RASAL2: variants seen among roughly 807,000 people sequenced by gnomAD.
The protein encoded by RASAL2 is RAS protein activator like 2, also known as ras GTPase-activating protein nGAP.
A neutral mutation model predicts 128.9 loss-of-function variants in RASAL2; 58 were observed. The ratio of observed to expected loss-of-function variants is 0.45; its 90% CI spans 0.36 to 0.56. The LOEUF (loss-of-function observed/expected upper bound fraction) is 0.56, where lower values mean the gene tolerates loss of function less well. RASAL2 is among the 20% of genes least tolerant of loss of function. RASAL2 has a pLI of 0.00. For missense variants in RASAL2, 1,360 were observed against 1,601.6 expected (o/e 0.85, Z 2.57); for synonymous variants, 561 against 580.8 (o/e 0.97, Z 0.49).
intron 3 of RASAL2, among the ~76,000 whole-genome samples, chr1:178,388,354 T>C (rs1672704555): frequency 6.6e-6 from 1 of 152,226 alleles, no homozygotes; most frequent in African/African-American, 2.4e-5. Flanking sequence ...TTCCCATGAA[T>C]CTGAGCTAAT....
intron 1 of RASAL2, among the ~76,000 whole-genome samples, chr1:178,200,373 G>A (rs1662820213): frequency 6.6e-6 from 1 of 152,176 alleles, no homozygotes; most frequent in African/African-American, 2.4e-5. Context: ...TGACATTCCT[G>A]ATGCGCTGCT....
At chr1:178,281,397 G>A (rs1202277568) in intron 1 of RASAL2, among the ~76,000 whole-genome samples, 1 of 151,976 alleles carries the variant, frequency 6.6e-6, no homozygotes, top group Non-Finnish European at 1.5e-5. Flanking sequence ...GGATTAGGTT[G>A]GACAAAGGGA....
At chr1:178,350,827 C>G (rs1312899063) in intron 3 of RASAL2, among the ~76,000 whole-genome samples, 1 of 152,148 alleles carries the variant, frequency 6.6e-6, no homozygotes, top group Non-Finnish European at 1.5e-5. Context: ...GTGAGAGAAT[C>G]TTACTCTGGT....
At chr1:178,401,631 C>T (rs1486443153) in intron 4 of RASAL2, among the ~76,000 whole-genome samples, 4 of 151,920 alleles carry the variant, frequency 2.6e-5, no homozygotes, top group Non-Finnish European at 4.4e-5. Context: ...GCTTGGGCAA[C>T]GTAGTGAGAC....
intron 14 of RASAL2, among the ~76,000 whole-genome samples, chr1:178,459,340 C>T (rs780336712): frequency 6.6e-6 from 1 of 151,622 alleles, no homozygotes; most frequent in Non-Finnish European, 1.5e-5. Context: ...ATAATATACA[C>T]ATTCATATAA....
At chr1:178,131,349 G>C (rs1156687913) in intron 1 of RASAL2, among the ~76,000 whole-genome samples, 1 of 144,522 alleles carries the variant, frequency 6.9e-6, no homozygotes, top group African/African-American at 2.6e-5. Flanking sequence ...TGGCACTGTA[G>C]TCGTGCACTA....
chr1:178,349,259 A>T (rs1456759826), intron 3 of RASAL2, among the ~76,000 whole-genome samples: 10 of 102,840 alleles, frequency 9.7e-5, no homozygotes, highest in South Asian at 6.1e-4. Context: ...TCTCTACTTT[A>T]AAAAAAAAAA....
intron 1 of RASAL2, among the ~76,000 whole-genome samples, chr1:178,111,314 G>T (rs530963180): frequency 8.5e-5 from 13 of 152,130 alleles, no homozygotes; most frequent in African/African-American, 3.1e-4. Context: ...TTGCCATGTT[G>T]CCCAGGCTTA....
At chr1:178,464,767 A>G (rs1234438193) in intron 15 of RASAL2, among the ~76,000 whole-genome samples, 2 of 149,996 alleles carry the variant, frequency 1.3e-5, no homozygotes, top group South Asian at 4.2e-4. Context: ...TCACCCAAGG[A>G]CAAAATTACC....
intron 1 of RASAL2, among the ~76,000 whole-genome samples, chr1:178,150,978 A>G (rs959508602): frequency 1.3e-5 from 2 of 152,056 alleles, no homozygotes; most frequent in African/African-American, 4.8e-5. Context: ...TGAAGTGCTG[A>G]AGTGTTATCT....
chr1:178,186,220 T>G (rs1359348683), intron 1 of RASAL2, among the ~76,000 whole-genome samples: 1 of 151,958 alleles, frequency 6.6e-6, no homozygotes, highest in African/African-American at 2.4e-5. Flanking sequence ...AGTGATGACT[T>G]TTCTCTTTTT....
At chr1:178,162,249 G>A (rs1432420001) in intron 1 of RASAL2, among the ~76,000 whole-genome samples, 1 of 142,996 alleles carries the variant, frequency 7.0e-6, no homozygotes, top group Non-Finnish European at 1.5e-5. Context: ...ACAGGCGTGA[G>A]CCACCGCACC....
intron 3 of RASAL2, among the ~76,000 whole-genome samples, chr1:178,329,024 T>C (rs1424438784): frequency 1.3e-5 from 2 of 152,190 alleles, no homozygotes; most frequent in Non-Finnish European, 2.9e-5. Context: ...CAAATATATA[T>C]TTTTTAATTC....
At chr1:178,445,690 T>C in intron 9 of RASAL2, 28 bp downstream of exon 9, 2 of 1,577,784 alleles carry the variant, frequency 1.3e-6, no homozygotes, top group Non-Finnish European at 1.7e-6. Context: ...ATCTATTTTC[T>C]TTTATTTACT....
At chr1:178,102,377 G>T (rs1658933788) in intron 1 of RASAL2, among the ~76,000 whole-genome samples, 1 of 151,858 alleles carries the variant, frequency 6.6e-6, no homozygotes, top group Admixed American at 6.6e-5. Flanking sequence ...TTGGAGTGCA[G>T]TGGCGCAATC....
At chr1:178,256,274 C>T (rs1665339486) in intron 1 of RASAL2, among the ~76,000 whole-genome samples, 1 of 152,100 alleles carries the variant, frequency 6.6e-6, no homozygotes, top group Admixed American at 6.5e-5. Flanking sequence ...TTCCAATAAA[C>T]ACAGAAAGAG....
At chr1:178,098,745 A>T (rs1327237881) in intron 1 of RASAL2, among the ~76,000 whole-genome samples, 4 of 152,256 alleles carry the variant, frequency 2.6e-5, no homozygotes, top group Admixed American at 2.6e-4. Flanking sequence ...TAGGTAAAAT[A>T]TTCTGTTAAG....
rs34317624 is a variant in RASAL2, at chr1:178,292,035, C to CAAAA, written c.331-7938_331-7935dup. Among the ~76,000 whole-genome samples the CAAAA allele has an allele frequency of 2.8e-3, 166 of 58,998 alleles. 4 individuals are homozygous for CAAAA. Among genetic ancestry groups the CAAAA allele is most frequent in the African/African-American group, 7.8e-3 (146 of 18,760 alleles). The allele number at this position is 58,998 out of a possible 152,430, so 38.7% of individuals were successfully genotyped here. A position where few individuals can be genotyped will look rare whatever the true frequency, so the allele number is the denominator to read the frequency against. ...TGGGTGACTGGGCAAGACTTTGTCT[C>CAAAA]AAAAAAAAAAAAAAAAAAAAAAGAA... On this transcript the variant is annotated intron_variant, in intron 2 of 17. Coordinates refer to ENST00000367649, the MANE Select transcript of RASAL2 (RefSeq NM_170692.4).
At chr1:178,233,249 T>C (rs1023330937) in intron 1 of RASAL2, among the ~76,000 whole-genome samples, 2 of 152,244 alleles carry the variant, frequency 1.3e-5, no homozygotes, top group Admixed American at 1.3e-4. Context: ...AGTAGAGGAA[T>C]CTTAAAGTTT....
Sources: gnomAD v4.1 joint callset for allele counts (sites outside exome capture counted in the v4.1 genomes callset) on GRCh38, gnomAD v4.1.1 for gene constraint, MANE v1.5 for transcripts, NCBI Gene and HGNC (gene_info 2026-07-23, HGNC 2026-07-21) for gene names.